The following BCAS3 variants were observed in gnomAD, a reference collection of about 807,000 sequenced individuals.
BCAS3 encodes BCAS3 microtubule associated cell migration factor.
BCAS3 carries 53 observed loss-of-function variants against 116.1 expected under a neutral mutation model. That is an observed-to-expected ratio of 0.46 (90% CI 0.37 to 0.57). BCAS3 has a LOEUF of 0.57. Among genes scored for constraint, BCAS3 ranks in the 20% least tolerant of loss-of-function variants. BCAS3 has a pLI of 0.00. For synonymous variants in BCAS3, 391 were observed against 408.2 expected (o/e 0.96, Z 0.51); for missense variants, 917 against 1,165.4 (o/e 0.79, Z 3.10).
rs1053171547 is a variant in BCAS3 at position 61,333,273 on chromosome 17, T to C, written c.2426-35054T>C. Among the ~76,000 whole-genome samples the C allele has an allele frequency of 6.6e-6, 1 of 152,112 alleles. No homozygotes were observed. Among genetic ancestry groups the C allele is most frequent in the Non-Finnish European group, 1.5e-5 (1 of 68,008 alleles). On this transcript the variant is annotated intron_variant, in intron 22 of 23. Coordinates refer to ENST00000407086, the MANE Select transcript of BCAS3 (RefSeq NM_017679.5). This position sits in a 1 kb window ranked among gnomAD's most constrained non-coding sequence, Gnocchi z 4.8. ...ACCTTGCCAGCCACTTCTGCGGTGG[T>C]TGTCGGTCTTGGAAAAGCTCCATCT... is the stretch of plus-strand genomic sequence containing the variant.
chr17:60,759,478 C>T (rs542882735), intron 6 of BCAS3, among the ~76,000 whole-genome samples: 2 of 152,152 alleles, frequency 1.3e-5, no homozygotes, highest in South Asian at 4.2e-4. Context: ...GAGTTGAAGC[C>T]CCCTACTGTT....
intron 22 of BCAS3, among the ~76,000 whole-genome samples, chr17:61,117,357 C>G (rs2075533753): frequency 6.6e-6 from 1 of 152,104 alleles, no homozygotes; most frequent in African/African-American, 2.4e-5. Context: ...CTCTGGAAGT[C>G]TGAGGCAGGA....
At chr17:61,238,467 C>T (rs1418407676) in intron 22 of BCAS3, among the ~76,000 whole-genome samples, 1 of 151,878 alleles carries the variant, frequency 6.6e-6, no homozygotes, top group Non-Finnish European at 1.5e-5. Flanking sequence ...GTGATCCACC[C>T]GCCTCAGCCT....
At chr17:60,872,573 C>T (rs114326633) in intron 8 of BCAS3, among the ~76,000 whole-genome samples, 1 of 149,218 alleles carries the variant, frequency 6.7e-6, no homozygotes, top group Non-Finnish European at 1.5e-5. Flanking sequence ...CCATATATAT[C>T]TGTATGTATA....
At chr17:61,057,812 G>A (rs1600840810) in intron 19 of BCAS3, among the ~76,000 whole-genome samples, 1 of 151,780 alleles carries the variant, frequency 6.6e-6, no homozygotes, top group East Asian at 1.9e-4. Flanking sequence ...ATTTTTAAGC[G>A]ATCTTTTTGA....
At chr17:61,054,259 T>G (rs2069556898) in intron 19 of BCAS3, among the ~76,000 whole-genome samples, 1 of 152,278 alleles carries the variant, frequency 6.6e-6, no homozygotes. Context: ...CCTAATGATC[T>G]GTACCCTATT....
At position 61,212,972 on chromosome 17, in the gene BCAS3, T is replaced by C. The variant is rs534339104; in HGVS notation, c.2425+128408T>C. On this transcript the variant is annotated intron_variant, in intron 22 of 23. Transcript: ENST00000407086. ...CTTTATCCCTTATTCAGTTAATACC[T>C]TTTTCATTATATTGTACATAAGTGC... Among the ~76,000 whole-genome samples the C allele has an allele frequency of 5.3e-5, 8 of 152,288 alleles. No individual in the cohort carries two copies. The South Asian group carries it at 1.0e-3, about 20-fold the overall frequency.
intron 22 of BCAS3, among the ~76,000 whole-genome samples, chr17:61,310,590 T>C (rs2054223910): frequency 6.6e-6 from 1 of 150,742 alleles, no homozygotes; most frequent in Non-Finnish European, 1.5e-5. Context: ...AAAAATGAAC[T>C]CTCAAATCTG....
At chr17:60,775,856 C>T (rs555514265) in intron 6 of BCAS3, among the ~76,000 whole-genome samples, 23 of 152,094 alleles carry the variant, frequency 1.5e-4, no homozygotes, top group African/African-American at 5.5e-4. Context: ...ATGAGGGGGT[C>T]ATAGGTGTTT....
chr17:61,067,272 TG>T, intron 19 of BCAS3, among the ~76,000 whole-genome samples: 1 of 82,294 alleles, frequency 1.2e-5, no homozygotes, highest in Non-Finnish European at 2.1e-5. Context: ...TGTGTGTATG[TG>T]TATATATATA....
intron 13 of BCAS3, among the ~76,000 whole-genome samples, chr17:60,936,312 T>G (rs1190060937): frequency 1.3e-5 from 2 of 148,382 alleles, no homozygotes; most frequent in East Asian, 1.9e-4. Context: ...AGTGCCATAA[T>G]AAACATACAT....
intron 5 of BCAS3, among the ~76,000 whole-genome samples, chr17:60,718,683 T>G (rs2038913917): frequency 6.6e-6 from 1 of 152,228 alleles, no homozygotes; most frequent in African/African-American, 2.4e-5. Flanking sequence ...CCCTGATGAC[T>G]AATAATGTGG....
chr17:60,887,278 A>T (rs892221680), intron 9 of BCAS3: 2 of 147,540 alleles, frequency 1.4e-5, no homozygotes, highest in African/African-American at 2.7e-5. Flanking sequence ...TTCCCAGGTG[A>T]GGCAATGCCT....
intron 22 of BCAS3, among the ~76,000 whole-genome samples, chr17:61,269,295 A>G (rs1298466015): frequency 6.6e-6 from 1 of 151,630 alleles, no homozygotes. Context: ...TGTGTTTTTT[A>G]GTAGAGATGG....
intron 22 of BCAS3, among the ~76,000 whole-genome samples, chr17:61,255,350 C>T (rs1871300913): frequency 6.6e-6 from 1 of 152,294 alleles, no homozygotes; most frequent in Middle Eastern, 3.4e-3. Flanking sequence ...ATGAATGTGC[C>T]CAAGTTTCTT....
chr17:61,261,853 C>T lies in BCAS3; in HGVS notation c.2426-106474C>T, dbSNP rs555381449. ...ATTTTTTTGTCTAGTATGACTCCTG[C>T]GCACTTTAATTTGAATATAATTATT... On this transcript the variant is annotated intron_variant, in intron 22 of 23. Transcript: ENST00000407086. This position sits in a 1 kb window ranked among gnomAD's most constrained non-coding sequence, Gnocchi z 4.4. Among the ~76,000 whole-genome samples, 7 of 152,242 alleles carry T rather than the reference C, an allele frequency of 4.6e-5. No homozygotes were observed. The highest frequency in any genetic ancestry group is 2.6e-4 in the Admixed American group (4 of 15,296).
intron 23 of BCAS3, among the ~76,000 whole-genome samples, chr17:61,375,246 G>GTGTGTGCGCGCGCGCACA (rs1555861730): frequency 0.016 from 2,460 of 150,774 alleles, 56 homozygotes; most frequent in African/African-American, 0.048. Flanking sequence ...GTGTGTGTGT[G>GTGTGTGCGCGCGCGCACA]TGTGTGTGTA....
Position 61,381,719 on chromosome 17 carries a change from T to A in BCAS3, c.2594-10258T>A, listed in dbSNP as rs1048977721. Among the ~76,000 whole-genome samples the A allele has an allele frequency of 5.3e-5, 8 of 152,122 alleles. No individual in the cohort carries two copies. Among genetic ancestry groups the A allele is most frequent in the South Asian group, 4.2e-4 (2 of 4,818 alleles). ...ATTGGTTGGTTCACACCAACTTGCG[T>A]GTGTGTGCCTGTCCCCAGGGCCAGC... On this transcript the variant is annotated intron_variant, in intron 23 of 23. Coordinates refer to ENST00000407086, the MANE Select transcript of BCAS3 (RefSeq NM_017679.5). The surrounding 1 kb of genome is among the most constrained non-coding windows in gnomAD (Gnocchi z 6.0).
rs2051267819 is a variant in BCAS3, at chr17:61,281,762, A to C, written c.2426-86565A>C. 3.9e-5 allele frequency among the ~76,000 whole-genome samples: 6 copies of C among 152,074 alleles called. No homozygotes were observed. In the South Asian group the frequency reaches 1.2e-3, roughly 31 times the overall value. On this transcript the variant is annotated intron_variant, in intron 22 of 23. Coordinates refer to ENST00000407086, the MANE Select transcript of BCAS3 (RefSeq NM_017679.5). This position sits in a 1 kb window ranked among gnomAD's most constrained non-coding sequence, Gnocchi z 4.2. ...TAAATATTTTTCCAAGTTTGTCAGT[A>C]TCTTTGCCATACAAATTTTAAATTT...
Sources: allele counts gnomAD v4.1 joint callset (sites outside exome capture counted in the v4.1 genomes callset), GRCh38; gene constraint gnomAD v4.1.1; non-coding constraint Gnocchi (gnomAD v3.1); transcripts MANE v1.5; gene names NCBI Gene and HGNC (gene_info 2026-07-23, HGNC 2026-07-21).